The following SYT9 variants were observed in gnomAD, a reference collection of about 807,000 sequenced individuals.
SYT9 encodes the protein synaptotagmin-9.
A neutral mutation model predicts 48.4 loss-of-function variants in SYT9; 22 were observed. The ratio of observed to expected loss-of-function variants is 0.45; its 90% CI spans 0.32 to 0.65. The LOEUF (loss-of-function observed/expected upper bound fraction) is 0.65. SYT9 is among the 30% of genes least tolerant of loss of function. The pLI is 0.03. For missense variants in SYT9, 577 were observed against 622.0 expected, an observed-to-expected ratio of 0.93 and a Z score of 0.77; for synonymous variants, 265 against 245.0, an observed-to-expected ratio of 1.08 and a Z score of -0.76.
At chr11:7,454,488 A>G (rs1848112607) in intron 6 of SYT9, among the ~76,000 whole-genome samples, 1 of 152,198 alleles carries the variant, frequency 6.6e-6, no homozygotes, top group Non-Finnish European at 1.5e-5. Context: ...ATGCCAGACT[A>G]TAGCATTTAA....
rs536033590 is a variant in SYT9 at position 7,262,717 on chromosome 11, G to C, written c.145+10386G>C. ...CTGGGCACTCACCATTGCAGGTAGT[G>C]ATGCAGGGGTCATTGGAAGTAATGT... is the stretch of plus-strand genomic sequence containing the variant. On this transcript the variant is annotated intron_variant, in intron 1 of 6. Coordinates refer to ENST00000318881, the MANE Select transcript of SYT9 (RefSeq NM_175733.4). Among the ~76,000 whole-genome samples, 4 of 152,212 alleles carry C rather than the reference G, an allele frequency of 2.6e-5. No homozygotes were observed. The South Asian group carries it at 8.3e-4, about 32-fold the overall frequency.
At chr11:7,273,294 G>A (rs758380708) in intron 1 of SYT9, among the ~76,000 whole-genome samples, 9 of 151,636 alleles carry the variant, frequency 5.9e-5, no homozygotes, top group African/African-American at 9.7e-5. Context: ...AAATTTGATA[G>A]TGATTGCATT....
chr11:7,273,421 T>C (rs1848331511), intron 1 of SYT9, among the ~76,000 whole-genome samples: 1 of 152,186 alleles, frequency 6.6e-6, no homozygotes, highest in Middle Eastern at 3.2e-3. Flanking sequence ...TAAGGAATTA[T>C]GGCCCAACTA....
At chr11:7,432,547 CAAAAAAAAAAAAAAAAAAAAAAAA>C (rs67650978) in intron 6 of SYT9, among the ~76,000 whole-genome samples, 5 of 16,932 alleles carry the variant, frequency 3.0e-4, no homozygotes, top group African/African-American at 1.1e-3. Flanking sequence ...GACTCCATCT[CAAAAAAAAAAAAAAAAAAAAAAAA>C]AAAAAAAAAA....
upstream of SYT9, among the ~76,000 whole-genome samples, chr11:7,249,393 T>A (rs1589884545): frequency 6.6e-6 from 1 of 152,192 alleles, no homozygotes; most frequent in African/African-American, 2.4e-5. Flanking sequence ...GGGAACAGAC[T>A]TGACTTCTTG....
chr11:7,406,976 G>T (rs73399602), intron 3 of SYT9, among the ~76,000 whole-genome samples: 1 of 151,892 alleles, frequency 6.6e-6, no homozygotes, highest in Admixed American at 6.6e-5. Flanking sequence ...AAACTTCTTG[G>T]CCATTTGTAT....
At chr11:7,397,320 G>C (rs940104095) in intron 3 of SYT9, among the ~76,000 whole-genome samples, 3 of 152,060 alleles carry the variant, frequency 2.0e-5, no homozygotes, top group Admixed American at 6.6e-5. Flanking sequence ...TTTAATGAGG[G>C]TCTGTTGACC....
At chr11:7,452,627 A>G (rs1316743067) in intron 6 of SYT9, among the ~76,000 whole-genome samples, 2 of 152,012 alleles carry the variant, frequency 1.3e-5, no homozygotes, top group Non-Finnish European at 2.9e-5. Context: ...TTTTTGCCTT[A>G]CCCATACTCC....
intron 1 of SYT9, among the ~76,000 whole-genome samples, chr11:7,239,661 A>G (rs1019225519): frequency 1.3e-5 from 2 of 152,196 alleles, no homozygotes; most frequent in Non-Finnish European, 2.9e-5. Context: ...CAGTTATTAC[A>G]GGGTCCAGGC....
At chr11:7,274,214 C>T (rs959477430) in intron 1 of SYT9, among the ~76,000 whole-genome samples, 1 of 152,134 alleles carries the variant, frequency 6.6e-6, no homozygotes, top group Non-Finnish European at 1.5e-5. Flanking sequence ...CCAGTGGAGC[C>T]CCCTCATTAA....
intron 1 of SYT9, among the ~76,000 whole-genome samples, chr11:7,257,704 C>G (rs377338836): frequency 2.5e-4 from 38 of 152,172 alleles, no homozygotes; most frequent in African/African-American, 8.7e-4. Context: ...TAATTGCAAT[C>G]AGGAAAAAGA....
At chr11:7,370,084 T>A (rs527607754) in intron 3 of SYT9, among the ~76,000 whole-genome samples, 92 of 152,186 alleles carry the variant, frequency 6.0e-4, no homozygotes, top group African/African-American at 2.1e-3. Flanking sequence ...CAAAGTCCGT[T>A]GTATCATTCT....
intron 6 of SYT9, among the ~76,000 whole-genome samples, chr11:7,425,258 T>C (rs1159748010): frequency 6.6e-6 from 1 of 152,204 alleles, no homozygotes; most frequent in Non-Finnish European, 1.5e-5. Flanking sequence ...AGTAGACTTC[T>C]TGAGAAGAGT....
At chr11:7,432,434 C>T (rs192315775) in intron 6 of SYT9, among the ~76,000 whole-genome samples, 3,894 of 150,820 alleles carry the variant, frequency 0.026, 85 homozygotes, top group Middle Eastern at 0.044. Flanking sequence ...TCAATCCCAG[C>T]TACTCGGGAG....
At chr11:7,393,664 C>A (rs1046060685) in intron 3 of SYT9, among the ~76,000 whole-genome samples, 2 of 152,038 alleles carry the variant, frequency 1.3e-5, no homozygotes, top group Non-Finnish European at 2.9e-5. Flanking sequence ...TGAAGGACTG[C>A]CTCCAGCTCT....
intron 1 of SYT9, among the ~76,000 whole-genome samples, chr11:7,276,528 G>T (rs1217124788): frequency 2.0e-5 from 3 of 152,150 alleles, no homozygotes; most frequent in Non-Finnish European, 4.4e-5. Context: ...GAATGAATCT[G>T]GTGGAATAAG....
chr11:7,315,363 TATA>T (rs1849223668), intron 3 of SYT9, among the ~76,000 whole-genome samples: 1 of 152,162 alleles, frequency 6.6e-6, no homozygotes, highest in African/African-American at 2.4e-5. Context: ...GAAGGCTGCT[TATA>T]CAAAGATACG....
intron 3 of SYT9, among the ~76,000 whole-genome samples, chr11:7,329,959 CAG>C (rs892258841): frequency 3.9e-5 from 6 of 152,054 alleles, no homozygotes; most frequent in South Asian, 2.1e-4. Context: ...AAGAAGATAA[CAG>C]GGGATAGCGA....
intron 3 of SYT9, among the ~76,000 whole-genome samples, chr11:7,362,697 C>T (rs1223914912): frequency 6.6e-6 from 1 of 151,576 alleles, no homozygotes; most frequent in Non-Finnish European, 1.5e-5. Flanking sequence ...TTGGTTAGTA[C>T]TTATCGCATA....
Sources: gnomAD v4.1 joint callset for allele counts (sites outside exome capture counted in the v4.1 genomes callset) on GRCh38, gnomAD v4.1.1 for gene constraint, MANE v1.5 for transcripts, NCBI Gene and HGNC (gene_info 2026-07-23, HGNC 2026-07-21) for gene names.